Variants in GRM8 observed in about 807,000 individuals in gnomAD.
The protein encoded by GRM8 is metabotropic glutamate receptor 8.
In GRM8, 47 loss-of-function variants were observed where a neutral mutation model predicts 87.2. The observed-to-expected ratio is 0.54, with a 90% CI of 0.43 to 0.69. The LOEUF (loss-of-function observed/expected upper bound fraction) is 0.69, where lower values mean the gene tolerates loss of function less well. Ranked by LOEUF, GRM8 falls within the 30% of genes least tolerant of loss-of-function variation. The probability of loss-of-function intolerance (pLI) is 0.00; values close to 1 mark genes in which losing one functional copy is unlikely to be tolerated. For missense variants in GRM8, 1,019 were observed against 1,139.2 expected, an observed-to-expected ratio of 0.89 and a Z score of 1.52; for synonymous variants, 396 against 404.5, an observed-to-expected ratio of 0.98 and a Z score of 0.25.
At chr7:127,242,581 C>G in intron 2 of GRM8, 114 bp downstream of exon 2, 1 of 987,522 alleles carries the variant, frequency 1.0e-6, no homozygotes, top group Non-Finnish European at 1.5e-6. Context: ...CTGGTAACAC[C>G]AAAAGGGTCT....
chr7:127,251,916 G>A (rs925871798), intron 1 of GRM8, among the ~76,000 whole-genome samples: 1 of 152,162 alleles, frequency 6.6e-6, no homozygotes, highest in African/African-American at 2.4e-5. Context: ...GTGCTAACTC[G>A]GAGAACGCAA....
chr7:126,549,194 G>A (rs968802293), intron 8 of GRM8, among the ~76,000 whole-genome samples: 2 of 151,960 alleles, frequency 1.3e-5, no homozygotes, highest in African/African-American at 4.8e-5. Context: ...AATTATAGAT[G>A]ATTAACATTT....
chr7:126,614,822 GAA>G (rs565786709), intron 7 of GRM8, among the ~76,000 whole-genome samples: 1 of 152,118 alleles, frequency 6.6e-6, no homozygotes, highest in African/African-American at 2.4e-5. Flanking sequence ...GAAGTTTAGA[GAA>G]AAAAGAGTAA....
At chr7:126,986,210 G>A (rs1162200898) in intron 3 of GRM8, among the ~76,000 whole-genome samples, 6 of 151,740 alleles carry the variant, frequency 4.0e-5, no homozygotes, top group Non-Finnish European at 5.9e-5. Context: ...GTAGAGACAG[G>A]GTCTTTCAAC....
intron 8 of GRM8, among the ~76,000 whole-genome samples, chr7:126,599,944 A>G (rs1797572770): frequency 6.6e-6 from 1 of 152,104 alleles, no homozygotes; most frequent in South Asian, 2.1e-4. Context: ...GTTTTACAAA[A>G]TGAATATATG....
chr7:126,880,877 A>T (rs1353139061), intron 6 of GRM8, among the ~76,000 whole-genome samples: 1 of 152,116 alleles, frequency 6.6e-6, no homozygotes, highest in African/African-American at 2.4e-5. Context: ...CAGGCTCAAA[A>T]ACCTATCACA....
At chr7:126,648,600 A>G (rs766062910) in intron 7 of GRM8, among the ~76,000 whole-genome samples, 1 of 152,238 alleles carries the variant, frequency 6.6e-6, no homozygotes. Flanking sequence ...ATTAGCTGAG[A>G]TTCAAAACCA....
Position 126,492,508 on chromosome 7 carries a change from T to G in GRM8, c.2430+40444A>C, listed in dbSNP as rs149712767. 5.1e-3 allele frequency among the ~76,000 whole-genome samples: 782 copies of G among 152,152 alleles called. 7 individuals are homozygous for G. Among genetic ancestry groups the G allele is most frequent in the African/African-American group, 0.018 (755 of 41,532 alleles). On this transcript the variant is annotated intron_variant, in intron 9 of 10. Coordinates refer to ENST00000339582, the MANE Select transcript of GRM8 (RefSeq NM_000845.3). ...ATTACTGACTTACACAAGGGCATGG[T>G]CACAGGGTGATTGTTAAAGCTGGCC...
intron 7 of GRM8, among the ~76,000 whole-genome samples, chr7:126,654,505 A>G (rs1804283762): frequency 6.6e-6 from 1 of 152,248 alleles, no homozygotes; most frequent in Admixed American, 6.5e-5. Flanking sequence ...AGGACAATGT[A>G]AGGTTCATTT....
intron 9 of GRM8, among the ~76,000 whole-genome samples, chr7:126,460,875 AAG>A (rs1459841591): frequency 6.6e-6 from 1 of 151,558 alleles, no homozygotes; most frequent in East Asian, 1.9e-4. Flanking sequence ...TTCTCAGAAC[AAG>A]AGAGTTGTGA....
At chr7:126,759,045 G>C (rs182934475) in intron 7 of GRM8, among the ~76,000 whole-genome samples, 1 of 151,710 alleles carries the variant, frequency 6.6e-6, no homozygotes, top group African/African-American at 2.4e-5. Flanking sequence ...TTACAGGTGC[G>C]CATCACCACG....
At chr7:127,140,118 T>C (rs1486754047) in intron 2 of GRM8, among the ~76,000 whole-genome samples, 1 of 152,178 alleles carries the variant, frequency 6.6e-6, no homozygotes, top group African/African-American at 2.4e-5. Flanking sequence ...ATTGCTCATA[T>C]AAATTCAATA....
At chr7:126,845,119 G>T (rs1408849350) in intron 6 of GRM8, among the ~76,000 whole-genome samples, 1 of 152,192 alleles carries the variant, frequency 6.6e-6, no homozygotes, top group Non-Finnish European at 1.5e-5. Flanking sequence ...AGGCATGGAG[G>T]TTGGTTAGAT....
chr7:127,014,198 G>T (rs1389671965), intron 3 of GRM8, among the ~76,000 whole-genome samples: 1 of 152,184 alleles, frequency 6.6e-6, no homozygotes, highest in Non-Finnish European at 1.5e-5. Flanking sequence ...GGGGCCGCTG[G>T]CCTCAAAGAC....
chr7:126,865,534 C>A lies in GRM8; in HGVS notation c.1156+37008G>T, dbSNP rs139778433. 2.1e-3 allele frequency among the ~76,000 whole-genome samples: 321 copies of A among 152,256 alleles called. 1 individual carries two copies. Among genetic ancestry groups the A allele is most frequent in the African/African-American group, 7.4e-3 (307 of 41,560 alleles). ...AACCAATTTTAGAACGTTTTTATTA[C>A]CCAAAAAGAAGCCCTATTCCCCTTA... On this transcript the variant is annotated intron_variant, in intron 6 of 10. Transcript: ENST00000339582.
At chr7:127,090,920 A>G (rs1823999122) in intron 3 of GRM8, 1 of 152,294 alleles carries the variant, frequency 6.6e-6, no homozygotes, top group South Asian at 2.1e-4. Context: ...TGCCATGTCC[A>G]TCTATTCCTT....
At chr7:127,015,845 A>C (rs775266991) in intron 3 of GRM8, among the ~76,000 whole-genome samples, 20 of 152,154 alleles carry the variant, frequency 1.3e-4, no homozygotes, top group Non-Finnish European at 1.6e-4. Flanking sequence ...CAGCTGAAAG[A>C]GGAAGAACTT....
intron 7 of GRM8, among the ~76,000 whole-genome samples, chr7:126,628,263 T>A (rs937565342): frequency 6.6e-6 from 1 of 152,114 alleles, no homozygotes; most frequent in Admixed American, 6.6e-5. Flanking sequence ...GCCAGGATGG[T>A]CTCGATCTCC....
intron 3 of GRM8, among the ~76,000 whole-genome samples, chr7:126,913,822 A>ACTTTGCAAAAG (rs1803562319): frequency 6.6e-6 from 1 of 152,246 alleles, no homozygotes; most frequent in African/African-American, 2.4e-5. Context: ...ATGAAACTGT[A>ACTTTGCAAAAG]AGTTTATCAG....
Sources: gnomAD v4.1 joint callset for allele counts (sites outside exome capture counted in the v4.1 genomes callset) on GRCh38, gnomAD v4.1.1 for gene constraint, MANE v1.5 for transcripts, NCBI Gene and HGNC (gene_info 2026-07-23, HGNC 2026-07-21) for gene names.